Variants in CHN2 observed in about 807,000 individuals in gnomAD.
The protein encoded by CHN2 is chimerin 2.
In CHN2, 35 loss-of-function variants were observed where a neutral mutation model predicts 56.3. The observed-to-expected ratio is 0.62, with a 90% CI of 0.47 to 0.82. The LOEUF (loss-of-function observed/expected upper bound fraction) is 0.82, where lower values mean the gene tolerates loss of function less well. Ranked by LOEUF, CHN2 falls within the 40% of genes least tolerant of loss-of-function variation. The probability of loss-of-function intolerance (pLI) is 0.00; values close to 1 mark genes in which losing one functional copy is unlikely to be tolerated. For missense variants in CHN2, 491 were observed against 580.5 expected (o/e 0.85, Z 1.58); for synonymous variants, 210 against 212.8 (o/e 0.99, Z 0.12).
chr7:29,422,473 G>T (rs1804444456), intron 6 of CHN2, among the ~76,000 whole-genome samples: 1 of 152,174 alleles, frequency 6.6e-6, no homozygotes, highest in African/African-American at 2.4e-5. Flanking sequence ...TCATTTTCCA[G>T]ATCTAATAGA....
chr7:29,386,831 G>C (rs1053098849), intron 3 of CHN2, among the ~76,000 whole-genome samples: 2 of 152,224 alleles, frequency 1.3e-5, no homozygotes, highest in East Asian at 3.8e-4. Flanking sequence ...GTTCACATTT[G>C]CCAATTCATT....
intron 7 of CHN2, among the ~76,000 whole-genome samples, chr7:29,482,417 A>G (rs1199306002): frequency 2.0e-5 from 3 of 150,958 alleles, no homozygotes; most frequent in Admixed American, 6.6e-5. Context: ...CAATCTCCCC[A>G]CTCCTCACCC....
intron 1 of CHN2, among the ~76,000 whole-genome samples, chr7:29,244,133 T>C (rs1050926845): frequency 6.6e-6 from 1 of 152,228 alleles, no homozygotes; most frequent in African/African-American, 2.4e-5. Context: ...CTTTCCCCTT[T>C]CCTCATCATT....
At chr7:29,246,999 G>T (rs1402455694) in intron 1 of CHN2, among the ~76,000 whole-genome samples, 2 of 152,146 alleles carry the variant, frequency 1.3e-5, no homozygotes, top group Non-Finnish European at 2.9e-5. Context: ...TCATGTGGGG[G>T]TCATAATGGA....
intron 6 of CHN2, among the ~76,000 whole-genome samples, chr7:29,439,990 C>T (rs1489378853): frequency 6.6e-6 from 1 of 152,122 alleles, no homozygotes; most frequent in Non-Finnish European, 1.5e-5. Flanking sequence ...GGACTTGAAC[C>T]AGGCTTGAAG....
At chr7:29,432,621 C>T (rs951788626) in intron 6 of CHN2, among the ~76,000 whole-genome samples, 2 of 152,150 alleles carry the variant, frequency 1.3e-5, no homozygotes, top group African/African-American at 4.8e-5. Flanking sequence ...TTAGTAAATA[C>T]ATATGGAAAT....
chr7:29,419,380 C>A (rs11760343), intron 6 of CHN2, among the ~76,000 whole-genome samples: 1 of 151,848 alleles, frequency 6.6e-6, no homozygotes, highest in Non-Finnish European at 1.5e-5. Flanking sequence ...TATAGAACTC[C>A]TAGAAGAAAA....
rs189520892 is a variant in CHN2, at chr7:29,242,117, C to T, written c.49+47127C>T. Among the ~76,000 whole-genome samples the T allele has an allele frequency of 4.3e-4, 65 of 152,296 alleles. 1 individual carries two copies. Among genetic ancestry groups the T allele is most frequent in the Middle Eastern group, 6.8e-3 (2 of 294 alleles). On this transcript the variant is annotated intron_variant, in intron 1 of 12. Transcript: ENST00000222792. ...ACCATCCTATGGTTGTGTAACTCATCTATTTCTCTTTGTAGTTAAGCGACT... is the reference window on the plus strand; with the variant it reads ...ACCATCCTATGGTTGTGTAACTCATTTATTTCTCTTTGTAGTTAAGCGACT...
chr7:29,390,844 G>A (rs187801804), intron 3 of CHN2, among the ~76,000 whole-genome samples: 1,626 of 151,930 alleles, frequency 0.011, 32 homozygotes, highest in African/African-American at 0.036. Context: ...GTCCCTGGGA[G>A]CCCTAGCCCC....
intron 1 of CHN2, among the ~76,000 whole-genome samples, chr7:29,239,137 C>G (rs928415923): frequency 2.0e-5 from 3 of 152,002 alleles, no homozygotes; most frequent in African/African-American, 7.2e-5. Flanking sequence ...GGGGACTGTT[C>G]CAATAATCTC....
intron 1 of CHN2, among the ~76,000 whole-genome samples, chr7:29,295,084 C>A (rs1793011276): frequency 6.6e-6 from 1 of 152,134 alleles, no homozygotes; most frequent in Non-Finnish European, 1.5e-5. Context: ...TTCCCATAAA[C>A]TGTAAATCAT....
intron 1 of CHN2, among the ~76,000 whole-genome samples, chr7:29,213,780 T>C (rs1785137994): frequency 6.6e-6 from 1 of 152,200 alleles, no homozygotes; most frequent in Admixed American, 6.5e-5. Flanking sequence ...ACATTAGTAC[T>C]CCTTTAGTTG....
intron 1 of CHN2, among the ~76,000 whole-genome samples, chr7:29,296,310 C>T (rs904821524): frequency 6.6e-6 from 1 of 152,150 alleles, no homozygotes; most frequent in African/African-American, 2.4e-5. Context: ...GTCTCGAACT[C>T]CTAACCTCAG....
intron 6 of CHN2, among the ~76,000 whole-genome samples, chr7:29,442,683 G>A (rs1269633904): frequency 6.6e-6 from 1 of 152,102 alleles, no homozygotes; most frequent in Admixed American, 6.5e-5. Context: ...ACATGCAAGA[G>A]TGTCATATGC....
At chr7:29,292,760 T>G (rs943777016) in intron 1 of CHN2, 3 of 376,906 alleles carry the variant, frequency 8.0e-6, no homozygotes, top group African/African-American at 6.3e-5. Flanking sequence ...TAAAACACCC[T>G]GCATTTCATT....
At chr7:29,227,580 A>G (rs1786311124) in intron 1 of CHN2, among the ~76,000 whole-genome samples, 1 of 152,126 alleles carries the variant, frequency 6.6e-6, no homozygotes, top group Non-Finnish European at 1.5e-5. Flanking sequence ...ATTATTGGCC[A>G]TTGCTCTAGC....
intron 3 of CHN2, among the ~76,000 whole-genome samples, chr7:29,377,859 T>G (rs1800194998): frequency 6.6e-6 from 1 of 152,258 alleles, no homozygotes; most frequent in Non-Finnish European, 1.5e-5. Context: ...TCTTTCTCCT[T>G]ATTTACATGG....
intron 1 of CHN2, among the ~76,000 whole-genome samples, chr7:29,278,221 G>C (rs1269665573): frequency 1.3e-5 from 2 of 152,160 alleles, no homozygotes; most frequent in African/African-American, 4.8e-5. Context: ...TTATGCCTGG[G>C]TCTTGCCACC....
chr7:29,272,198 C>A (rs1356604661), intron 1 of CHN2, among the ~76,000 whole-genome samples: 5 of 152,144 alleles, frequency 3.3e-5, no homozygotes, highest in African/African-American at 1.2e-4. Context: ...CCGCCACGGT[C>A]TCTGTAGCCC....
Sources: allele counts gnomAD v4.1 joint callset (sites outside exome capture counted in the v4.1 genomes callset), GRCh38; gene constraint gnomAD v4.1.1; transcripts MANE v1.5; gene names NCBI Gene and HGNC (gene_info 2026-07-23, HGNC 2026-07-21).